CATSPERE: variants seen among roughly 807,000 people sequenced by gnomAD.
The protein encoded by CATSPERE is catsper channel auxiliary subunit epsilon, also known as cation channel sperm-associated auxiliary subunit epsilon.
A neutral mutation model predicts 114.1 loss-of-function variants in CATSPERE; 93 were observed. The observed-to-expected ratio is 0.81, with a 90% CI of 0.69 to 0.97. The LOEUF (loss-of-function observed/expected upper bound fraction) is 0.97, where lower values mean the gene tolerates loss of function less well. Ranked by LOEUF, CATSPERE falls within the 50% of genes least tolerant of loss-of-function variation. The probability of loss-of-function intolerance (pLI) is 0.00; values close to 1 mark genes in which losing one functional copy is unlikely to be tolerated. For synonymous variants in CATSPERE, 341 were observed against 384.1 expected, an observed-to-expected ratio of 0.89 and a Z score of 1.31; for missense variants, 1,058 against 1,131.6, an observed-to-expected ratio of 0.93 and a Z score of 0.93.
intron 20 of CATSPERE, among the ~76,000 whole-genome samples, chr1:244,618,890 G>A (rs1671734586): frequency 6.6e-6 from 1 of 152,120 alleles, no homozygotes; most frequent in African/African-American, 2.4e-5. Context: ...AGAATGGAAA[G>A]AAGGGAAAAA....
intron 5 of CATSPERE, among the ~76,000 whole-genome samples, chr1:244,484,307 T>A (rs1329196728): frequency 1.3e-5 from 2 of 152,186 alleles, no homozygotes; most frequent in African/African-American, 4.8e-5. Context: ...CAGCAAGTTA[T>A]TTTATAAATA....
At chr1:244,494,969 T>G (rs370616674) in intron 6 of CATSPERE, among the ~76,000 whole-genome samples, 5 of 152,290 alleles carry the variant, frequency 3.3e-5, no homozygotes, top group Admixed American at 6.5e-5. Flanking sequence ...GGAATTTTAA[T>G]ATACATAGAA....
Position 244,605,739 on chromosome 1 carries a change from T to C in CATSPERE, c.2348T>C (p.Ile783Thr), listed in dbSNP as rs1369442725. The change falls in exon 18 of 22, where the codon ATA (isoleucine) becomes ACA (threonine). Residue 783 changes from isoleucine (I) to threonine (T), a missense_variant. Ile to Thr is a moderately conservative substitution (Grantham distance 89). This residue lies in a region of CATSPERE where 787 missense variants were observed against 905.6 expected (regional missense o/e 0.87). Coordinates refer to ENST00000366534, the MANE Select transcript of CATSPERE (RefSeq NM_001130957.2). ...GYVKDVEANF[I>T]VWEIHGRDDY... Reference sequence around the variant, plus strand: ...GTTAAAGACGTTGAAGCAAATTTCATAGTGTGGGAAATACACGGCAGGGAT... The same window carrying C: ...GTTAAAGACGTTGAAGCAAATTTCACAGTGTGGGAAATACACGGCAGGGAT... 1.9e-6 allele frequency: 3 copies of C among 1,613,694 alleles called. No individual in the cohort carries two copies. In the East Asian group the frequency reaches 6.7e-5, roughly 36 times the overall value.
intron 5 of CATSPERE, among the ~76,000 whole-genome samples, chr1:244,487,995 T>C (rs925062304): frequency 2.0e-5 from 3 of 152,116 alleles, no homozygotes; most frequent in African/African-American, 7.2e-5. Flanking sequence ...CAAACCAGAG[T>C]TCTGACACTA....
chr1:244,638,760 C>T (rs541093067), intron 21 of CATSPERE, among the ~76,000 whole-genome samples: 14 of 152,242 alleles, frequency 9.2e-5, no homozygotes, highest in Admixed American at 6.5e-4. Flanking sequence ...ACCTTTATTC[C>T]TTCATATTTC....
intron 10 of CATSPERE, among the ~76,000 whole-genome samples, chr1:244,569,255 C>T (rs976727812): frequency 1.3e-5 from 2 of 152,234 alleles, no homozygotes; most frequent in Admixed American, 6.5e-5. Context: ...GCTCGTCTTC[C>T]GTGGGCTGCA....
chr1:244,588,234 G>C (rs1362904709), intron 13 of CATSPERE, among the ~76,000 whole-genome samples: 1 of 147,442 alleles, frequency 6.8e-6, no homozygotes, highest in Non-Finnish European at 1.5e-5. Context: ...TCAATTCCCT[G>C]AGACACAAAT....
At chr1:244,462,231 A>G (rs1666937790) in intron 1 of CATSPERE, among the ~76,000 whole-genome samples, 1 of 152,194 alleles carries the variant, frequency 6.6e-6, no homozygotes, top group Admixed American at 6.5e-5. Context: ...TGCCCTTTTC[A>G]TTAAAAAATA....
At chr1:244,539,909 C>A (rs995273965) in intron 8 of CATSPERE, among the ~76,000 whole-genome samples, 7 of 133,728 alleles carry the variant, frequency 5.2e-5, no homozygotes, top group African/African-American at 1.9e-4. Context: ...TTTTGTTGAT[C>A]CTTTCAAAAA....
Position 244,552,539 on chromosome 1 carries a change from GT to G in CATSPERE, c.758del (p.Leu253TrpfsTer2), listed in dbSNP as rs1660824008. The stretch of plus-strand genomic sequence containing the variant: ...GGATGCTTGTGTAGTTGCATCTGCT[GT>G]TTTGGTGACAGATATGGAGACCTTT... The part of the protein sequence containing the change: ...SWDACVVASA[V>X]LVTDMETFHT... On this transcript the variant is annotated frameshift_variant, in exon 9 of 22. Transcript: ENST00000366534. LOFTEE classifies it high-confidence loss of function. The G allele has an allele frequency of 3.7e-6, 6 of 1,614,070 alleles. No individual in the cohort carries two copies. The highest frequency in any genetic ancestry group is 2.7e-5 in the African/African-American group (2 of 74,924).
chr1:244,633,685 T>C lies in CATSPERE; in HGVS notation c.2649-1804T>C, dbSNP rs1037711686. 6.6e-6 allele frequency among the ~76,000 whole-genome samples: 1 copy of C among 151,994 alleles called. No individual in the cohort carries two copies. Among genetic ancestry groups the C allele is most frequent in the South Asian group, 2.1e-4 (1 of 4,826 alleles). Reference sequence around the variant, plus strand: ...CTACTTTCCTCTACATGCACCAAGATATTTCCTCATTATCCCTTAAACCTC... The same window carrying C: ...CTACTTTCCTCTACATGCACCAAGACATTTCCTCATTATCCCTTAAACCTC... On this transcript the variant is annotated intron_variant, in intron 20 of 21. Coordinates refer to ENST00000366534, the MANE Select transcript of CATSPERE (RefSeq NM_001130957.2). The surrounding 1 kb of genome is among the most constrained non-coding windows in gnomAD (Gnocchi z 4.1).
intron 2 of CATSPERE, among the ~76,000 whole-genome samples, chr1:244,465,931 A>G (rs1056635622): frequency 3.9e-5 from 6 of 152,190 alleles, no homozygotes; most frequent in South Asian, 2.1e-4. Flanking sequence ...ACATCTCCCA[A>G]TTAAACAGAT....
At chr1:244,635,639 A>G (rs1013448449) in intron 21 of CATSPERE, 97 bp downstream of exon 21, 23 of 875,016 alleles carry the variant, frequency 2.6e-5, no homozygotes, top group African/African-American at 2.4e-4. Flanking sequence ...GTCTCCCAGA[A>G]GCAGCCTGTG....
chr1:244,451,737 T>C (rs1201696271), upstream of CATSPERE: 4 of 1,607,600 alleles, frequency 2.5e-6, no homozygotes, highest in Middle Eastern at 3.4e-4. The surrounding 1 kb of genome is among the most constrained non-coding windows in gnomAD (Gnocchi z 6.6). Flanking sequence ...TCACCCGGTT[T>C]CCTCCGGGCC....
intron 10 of CATSPERE, among the ~76,000 whole-genome samples, chr1:244,567,374 T>G (rs1371208492): frequency 1.3e-5 from 2 of 152,228 alleles, no homozygotes; most frequent in Non-Finnish European, 1.5e-5. Context: ...CTGTATTTCC[T>G]GAATTTGAAT....
chr1:244,456,475 C>G (rs866050241), upstream of CATSPERE, among the ~76,000 whole-genome samples: 4 of 152,078 alleles, frequency 2.6e-5, no homozygotes, highest in Non-Finnish European at 2.9e-5. Context: ...TGAGCGCTTA[C>G]ATCACATATT....
chr1:244,523,866 T>C (rs952151577), intron 8 of CATSPERE, among the ~76,000 whole-genome samples: 4 of 149,360 alleles, frequency 2.7e-5, no homozygotes, highest in African/African-American at 1.0e-4. Flanking sequence ...GAACATTCCA[T>C]GTTCATGGGT....
chr1:244,549,294 A>G (rs1473530997), intron 8 of CATSPERE, among the ~76,000 whole-genome samples: 1 of 152,200 alleles, frequency 6.6e-6, no homozygotes, highest in Non-Finnish European at 1.5e-5. Flanking sequence ...AGTAATACAC[A>G]ATGGGTAGCA....
At chr1:244,494,721 A>G (rs1026495678) in intron 6 of CATSPERE, among the ~76,000 whole-genome samples, 1 of 152,152 alleles carries the variant, frequency 6.6e-6, no homozygotes, top group African/African-American at 2.4e-5. Flanking sequence ...AAATAAGGTT[A>G]TAATATTTGG....
Sources: allele counts gnomAD v4.1 joint callset (sites outside exome capture counted in the v4.1 genomes callset), GRCh38; gene constraint gnomAD v4.1.1; regional missense constraint gnomAD v4.1.1; non-coding constraint Gnocchi (gnomAD v3.1); transcripts MANE v1.5; gene names NCBI Gene and HGNC (gene_info 2026-07-23, HGNC 2026-07-21).